Variants in NKD1 observed in about 807,000 individuals in gnomAD.
NKD1 encodes the protein NKD inhibitor of Wnt signaling pathway 1.
NKD1 carries 21 observed loss-of-function variants against 56.0 expected under a neutral mutation model. The ratio of observed to expected loss-of-function variants is 0.38; its 90% CI spans 0.27 to 0.54. The LOEUF is 0.54. NKD1 is among the 20% of genes least tolerant of loss of function. NKD1 has a pLI of 0.82. For synonymous variants in NKD1, 263 were observed against 265.7 expected, an observed-to-expected ratio of 0.99 and a Z score of 0.10; for missense variants, 578 against 642.7, an observed-to-expected ratio of 0.90 and a Z score of 1.09.
chr16:50,608,832 C>T (rs1318411664), intron 4 of NKD1, among the ~76,000 whole-genome samples: 2 of 152,174 alleles, frequency 1.3e-5, no homozygotes, highest in Non-Finnish European at 2.9e-5. Flanking sequence ...CTCTGTTGTC[C>T]TTCTTCCTTT....
At chr16:50,550,589 G>C (rs1960360500) in intron 3 of NKD1, among the ~76,000 whole-genome samples, 1 of 151,982 alleles carries the variant, frequency 6.6e-6, no homozygotes, top group Non-Finnish European at 1.5e-5. Flanking sequence ...AAGCTCCCCT[G>C]TCCTCCTCCA....
In NKD1 at chr16:50,598,919, G is replaced by A. The variant is rs1178831909; in HGVS notation, c.193-9375G>A. The stretch of plus-strand genomic sequence containing the variant: ...GGTGGGGTCAGTGGTGTGGTGGGCA[G>A]TGGTGGGGCAGGATCAGTGGTGTGG... On this transcript the variant is annotated intron_variant, in intron 3 of 9. Coordinates refer to ENST00000268459, the MANE Select transcript of NKD1 (RefSeq NM_033119.5). The surrounding 1 kb of genome is among the most constrained non-coding windows in gnomAD (Gnocchi z 4.2). Among the ~76,000 whole-genome samples, 1 of 151,590 alleles carries A rather than the reference G, an allele frequency of 6.6e-6. No homozygotes were observed. The highest frequency in any genetic ancestry group is 1.5e-5 in the Non-Finnish European group (1 of 67,854).
At position 50,585,226 on chromosome 16, in the gene NKD1, AG is replaced by A. The variant is rs536673298; in HGVS notation, c.193-23066del. 2.0e-5 allele frequency among the ~76,000 whole-genome samples: 3 copies of A among 152,348 alleles called. No homozygotes were observed. The East Asian group carries it at 5.8e-4, about 29-fold the overall frequency. Reference sequence around the variant, plus strand: ...AGTACCTGCCACTGTCCAGGTGCAGAGGAACCAAGGGGGATAGCTAAAGTCC... The same window carrying A: ...AGTACCTGCCACTGTCCAGGTGCAGAGAACCAAGGGGGATAGCTAAAGTCC... On this transcript the variant is annotated intron_variant, in intron 3 of 9. Transcript: ENST00000268459.
chr16:50,589,908 C>T (rs1322365919), intron 3 of NKD1, among the ~76,000 whole-genome samples: 1 of 151,526 alleles, frequency 6.6e-6, no homozygotes, highest in East Asian at 1.9e-4. Context: ...AGTGCAATGG[C>T]ACCATCCCAG....
At chr16:50,568,605 C>A (rs1234603560) in intron 3 of NKD1, among the ~76,000 whole-genome samples, 3 of 152,138 alleles carry the variant, frequency 2.0e-5, no homozygotes, top group African/African-American at 7.2e-5. Context: ...ATCTACTCAT[C>A]CCACAGCTTC....
At chr16:50,608,264 G>A in intron 3 of NKD1, 30 bp from the exon 4 acceptor site, 1 of 1,556,040 alleles carries the variant, frequency 6.4e-7, no homozygotes, top group Non-Finnish European at 8.9e-7. Flanking sequence ...CCCAACCCCT[G>A]CTCAATGCCT....
In NKD1 at chr16:50,633,193, C is replaced by T; in HGVS notation, c.825C>T (p.Gly275=). ...IENYTSQFGP[G]SPSVAQKSEL... is the part of the protein sequence containing the mutation. The stretch of plus-strand genomic sequence containing the variant: ...AATGTCTGTTGAATTGGTTCCTAGG[C>T]TCCCCTTCCGTGGCCCAGAAGTCAG... The change falls in exon 10 of 10, where the codon GGC becomes GGT. Residue 275 remains glycine (G), a splice_region_variant and synonymous_variant. Coordinates refer to ENST00000268459, the MANE Select transcript of NKD1 (RefSeq NM_033119.5). The surrounding 1 kb of genome is among the most constrained non-coding windows in gnomAD (Gnocchi z 4.9). The T allele has an allele frequency of 6.2e-7, 1 of 1,600,266 alleles. No individual in the cohort carries two copies. The highest frequency in any genetic ancestry group is 8.5e-7 in the Non-Finnish European group (1 of 1,171,158).
At position 50,625,410 on chromosome 16, in the gene NKD1, T is replaced by C. The variant is rs576351298; in HGVS notation, c.367-75T>C. On this transcript the variant is annotated intron_variant, in intron 5 of 9. Transcript: ENST00000268459. ...GGTGGCCGCCCCTTGGCCTGGCCTC[T>C]AGGCCCAGGCTTCCACTACCCAGTC... 346 of 1,059,334 alleles carry C rather than the reference T, an allele frequency of 3.3e-4. 1 individual carries two copies. The highest frequency in any genetic ancestry group is 3.0e-3 in the Middle Eastern group (15 of 4,994). The allele number at this position is 1,059,334 out of a possible 1,614,324, so 65.6% of individuals were successfully genotyped here. A position where few individuals can be genotyped will look rare whatever the true frequency, so the allele number is the denominator to read the frequency against.
chr16:50,570,627 G>T (rs1442103114), intron 3 of NKD1, among the ~76,000 whole-genome samples: 4 of 152,216 alleles, frequency 2.6e-5, no homozygotes, highest in African/African-American at 9.7e-5. Flanking sequence ...CTGTCATGTA[G>T]ATCAGATGAG....
rs5816707 is a variant in NKD1 at position 50,598,229 on chromosome 16, C to CTGTG, written c.193-10034_193-10031dup. ...CACTGCAGGGCCGCATGGGTGGACTCTGTGTGTGTGTGTGTGTGTGTGTGT... is the reference window on the plus strand; with the variant it reads ...CACTGCAGGGCCGCATGGGTGGACTCTGTGTGTGTGTGTGTGTGTGTGTGTGTGT... On this transcript the variant is annotated intron_variant, in intron 3 of 9. Coordinates refer to ENST00000268459, the MANE Select transcript of NKD1 (RefSeq NM_033119.5). The surrounding 1 kb of genome is among the most constrained non-coding windows in gnomAD (Gnocchi z 4.2). 0.072 allele frequency among the ~76,000 whole-genome samples: 10,355 copies of CTGTG among 143,858 alleles called. 657 individuals are homozygous for CTGTG. Among genetic ancestry groups the CTGTG allele is most frequent in the African/African-American group, 0.17 (6,472 of 37,896 alleles). The allele number at this position is 143,858 out of a possible 152,430, so 94.4% of individuals were successfully genotyped here.
intron 3 of NKD1, chr16:50,575,475 T>C: frequency 2.3e-6 from 1 of 427,526 alleles, no homozygotes; most frequent in Non-Finnish European, 3.1e-6. Flanking sequence ...CAGGTGATCT[T>C]GTGGCAATAT....
chr16:50,620,119 A>G (rs1198578792), intron 4 of NKD1, among the ~76,000 whole-genome samples: 1 of 152,288 alleles, frequency 6.6e-6, no homozygotes. Flanking sequence ...GCAAGTGCTT[A>G]GTCATTGCTG....
chr16:50,568,387 G>A (rs117286155), intron 3 of NKD1, among the ~76,000 whole-genome samples: 2 of 152,342 alleles, frequency 1.3e-5, no homozygotes, highest in Non-Finnish European at 2.9e-5. Context: ...GGAAGTCCAG[G>A]TTAGAGCTGG....
chr16:50,610,967 C>T (rs1273931057), intron 4 of NKD1, among the ~76,000 whole-genome samples: 3 of 152,164 alleles, frequency 2.0e-5, no homozygotes, highest in Non-Finnish European at 4.4e-5. Context: ...AGGGACCCCT[C>T]CTCAGCTGAC....
chr16:50,559,849 A>G (rs1960585157), intron 3 of NKD1, among the ~76,000 whole-genome samples: 1 of 152,110 alleles, frequency 6.6e-6, no homozygotes, highest in South Asian at 2.1e-4. Context: ...GCAGAGCATA[A>G]AAGGACCCTG....
chr16:50,561,326 C>T (rs1596706052), intron 3 of NKD1, among the ~76,000 whole-genome samples: 1 of 151,892 alleles, frequency 6.6e-6, no homozygotes, highest in Non-Finnish European at 1.5e-5. Context: ...TATGACCTCT[C>T]CTGCCTTCTG....
At chr16:50,604,487 A>C (rs1961663278) in intron 3 of NKD1, among the ~76,000 whole-genome samples, 1 of 152,200 alleles carries the variant, frequency 6.6e-6, no homozygotes, top group Non-Finnish European at 1.5e-5. Flanking sequence ...CTACTGACCT[A>C]ATGAACCCCA....
At chr16:50,602,615 G>T (rs1470834695) in intron 3 of NKD1, among the ~76,000 whole-genome samples, 3 of 152,146 alleles carry the variant, frequency 2.0e-5, no homozygotes, top group Admixed American at 2.0e-4. Context: ...GCCTCTGTCT[G>T]CCCTCCCCTC....
intron 3 of NKD1, chr16:50,562,266 G>A (rs988294974): frequency 1.0e-5 from 10 of 978,666 alleles, no homozygotes; most frequent in African/African-American, 1.8e-5. Flanking sequence ...CCATGGTCCT[G>A]TTTCTTACAG....
Sources: allele counts gnomAD v4.1 joint callset (sites outside exome capture counted in the v4.1 genomes callset), GRCh38; gene constraint gnomAD v4.1.1; non-coding constraint Gnocchi (gnomAD v3.1); transcripts MANE v1.5; gene names NCBI Gene and HGNC (gene_info 2026-07-23, HGNC 2026-07-21).